Variants in TRPM3 observed in about 807,000 individuals in gnomAD.
The protein encoded by TRPM3 is transient receptor potential cation channel subfamily M member 3.
Under a neutral mutation model 181.2 loss-of-function variants are expected in TRPM3, and 77 were observed. The ratio of observed to expected loss-of-function variants is 0.42; its 90% CI spans 0.35 to 0.51. The LOEUF is 0.51. TRPM3 is among the 20% of genes least tolerant of loss of function. The pLI, the probability that TRPM3 is intolerant of heterozygous loss-of-function variation, is 0.01. For missense variants in TRPM3, 1,759 were observed against 2,196.7 expected (o/e 0.80, Z 3.98); for synonymous variants, 745 against 796.4 (o/e 0.94, Z 1.09).
Position 70,690,549 on chromosome 9 carries a change from T to C in TRPM3, c.1273-8971A>G, listed in dbSNP as rs570598467. Among the ~76,000 whole-genome samples, 25 of 62,230 alleles carry C rather than the reference T, an allele frequency of 4.0e-4. No homozygotes were observed. In the East Asian group the frequency reaches 0.016, roughly 40 times the overall value. The allele number at this position is 62,230 out of a possible 152,430, so 40.8% of individuals were successfully genotyped here. A position where few individuals can be genotyped will look rare whatever the true frequency, so the allele number is the denominator to read the frequency against. On this transcript the variant is annotated intron_variant, in intron 8 of 25. Transcript: ENST00000677713. ...AATGAAATAACTTTTTATTTATTTA[T>C]TTATATTTATTTATATTTATTTATT...
At chr9:71,290,031 T>C (rs2085665546) in intron 1 of TRPM3, among the ~76,000 whole-genome samples, 1 of 151,928 alleles carries the variant, frequency 6.6e-6, no homozygotes, top group Admixed American at 6.6e-5. Context: ...AAGTATCACA[T>C]GTACCCCCAA....
intron 1 of TRPM3, among the ~76,000 whole-genome samples, chr9:71,033,824 A>G (rs2057841368): frequency 6.6e-6 from 1 of 152,144 alleles, no homozygotes; most frequent in Admixed American, 6.5e-5. Flanking sequence ...TAACTCACTT[A>G]TTCCAGCTCA....
rs552557622 is a variant in TRPM3 at position 70,585,708 on chromosome 9, T to A, written c.3223+5323A>T. On this transcript the variant is annotated intron_variant, in intron 22 of 25. Transcript: ENST00000677713. ...CCAGGTTCTTTTGATTGTACCTTCC[T>A]AAAATCTCATCCTGCCTGTTTCCTC... Among the ~76,000 whole-genome samples the A allele has an allele frequency of 3.3e-5, 5 of 152,288 alleles. 1 individual carries two copies. In the South Asian group the frequency reaches 1.0e-3, roughly 32 times the overall value.
intron 1 of TRPM3, among the ~76,000 whole-genome samples, chr9:70,958,021 A>G (rs1374190400): frequency 1.3e-5 from 2 of 152,218 alleles, no homozygotes; most frequent in Admixed American, 1.3e-4. Flanking sequence ...GTATGAAATT[A>G]GACATGGAAC....
At chr9:71,410,263 C>A (rs1005221717) in intron 1 of TRPM3, among the ~76,000 whole-genome samples, 1 of 149,890 alleles carries the variant, frequency 6.7e-6, no homozygotes, top group African/African-American at 2.5e-5. Context: ...ATGATCAGAG[C>A]AGAACTGAAG....
At chr9:71,174,696 T>C (rs891382267) in intron 1 of TRPM3, among the ~76,000 whole-genome samples, 4 of 152,070 alleles carry the variant, frequency 2.6e-5, no homozygotes, top group African/African-American at 4.8e-5. Flanking sequence ...AAAACATTCA[T>C]ATTTAAAATC....
At chr9:70,575,628 G>GA (rs925671889) in intron 22 of TRPM3, among the ~76,000 whole-genome samples, 8 of 151,756 alleles carry the variant, frequency 5.3e-5, no homozygotes, top group South Asian at 2.1e-4. Context: ...TATTCATTTG[G>GA]AAAAAAAATG....
intron 20 of TRPM3, among the ~76,000 whole-genome samples, chr9:70,600,556 G>A (rs1276244939): frequency 6.6e-6 from 1 of 152,198 alleles, no homozygotes; most frequent in Non-Finnish European, 1.5e-5. Flanking sequence ...TCAGCTGGAA[G>A]GCTGGGTAAA....
Position 70,535,520 on chromosome 9 carries a change from G to T in TRPM3, c.*433C>A, listed in dbSNP as rs1373958868. ...GAATGGAAGTTTAGAATATCTCATT[G>T]TGTACGCTGGCTATTTTATTTTATT... On this transcript the variant is annotated 3_prime_UTR_variant, in exon 26 of 26. Transcript: ENST00000677713. The T allele has an allele frequency of 2.6e-6, 4 of 1,548,502 alleles. No homozygotes were observed. The highest frequency in any genetic ancestry group is 3.5e-6 in the Non-Finnish European group (4 of 1,146,650).
chr9:70,784,066 G>T, intron 7 of TRPM3, 39 bp downstream of exon 7: 2 of 1,599,112 alleles, frequency 1.3e-6, no homozygotes, highest in Non-Finnish European at 1.7e-6. Context: ...TTCCAAACAG[G>T]CTTTAGGGTT....
At chr9:70,631,796 TTCAAAAC>T (rs1264874750) in intron 12 of TRPM3, among the ~76,000 whole-genome samples, 2 of 152,228 alleles carry the variant, frequency 1.3e-5, no homozygotes, top group Admixed American at 1.3e-4. Flanking sequence ...AATTTGAGAT[TTCAAAAC>T]AAGCTTGGGA....
At chr9:70,841,638 A>ATATATATATCTATATCCCAC (rs2131976122) in intron 5 of TRPM3, among the ~76,000 whole-genome samples, 1 of 104,724 alleles carries the variant, frequency 9.5e-6, no homozygotes, top group East Asian at 3.9e-4. Flanking sequence ...ATATATATAT[A>ATATATATATCTATATCCCAC]TATATATATA....
intron 22 of TRPM3, among the ~76,000 whole-genome samples, chr9:70,589,832 C>T (rs774596248): frequency 3.3e-5 from 5 of 152,150 alleles, no homozygotes; most frequent in South Asian, 2.1e-4. Context: ...AATGACGTAC[C>T]GGTGTGTTCT....
chr9:70,937,112 C>T (rs942362994), intron 1 of TRPM3, among the ~76,000 whole-genome samples: 6 of 152,126 alleles, frequency 3.9e-5, no homozygotes, highest in African/African-American at 1.4e-4. Context: ...CATTTTGACG[C>T]AGCTTCACCA....
chr9:70,699,211 G>A (rs2071599291), intron 8 of TRPM3, among the ~76,000 whole-genome samples: 1 of 152,130 alleles, frequency 6.6e-6, no homozygotes, highest in South Asian at 2.1e-4. Flanking sequence ...TGATAAAAGT[G>A]ACAAGAAAAT....
At chr9:70,966,939 T>A (rs1187027355) in intron 1 of TRPM3, among the ~76,000 whole-genome samples, 1 of 152,026 alleles carries the variant, frequency 6.6e-6, no homozygotes, top group South Asian at 2.1e-4. Flanking sequence ...CTGTCCAAGT[T>A]CAGAAGATTT....
At chr9:71,427,189 T>C (rs1411903161) in intron 1 of TRPM3, among the ~76,000 whole-genome samples, 9 of 152,200 alleles carry the variant, frequency 5.9e-5, no homozygotes, top group Non-Finnish European at 1.2e-4. Context: ...TTGTTGTTGA[T>C]AGACTCAAAG....
At chr9:70,920,558 C>T (rs10521440) in intron 1 of TRPM3, among the ~76,000 whole-genome samples, 4,067 of 152,116 alleles carry the variant, frequency 0.027, 222 homozygotes, top group East Asian at 0.2. Context: ...TATATTCTCC[C>T]AAAACGACAT....
intron 1 of TRPM3, among the ~76,000 whole-genome samples, chr9:71,418,918 G>A (rs12376095): frequency 2.9e-5 from 2 of 67,966 alleles, no homozygotes; most frequent in Non-Finnish European, 4.2e-5. Flanking sequence ...GTATATATAT[G>A]TGTGTGTGTG....
Sources: gnomAD v4.1 joint callset for allele counts (sites outside exome capture counted in the v4.1 genomes callset) on GRCh38, gnomAD v4.1.1 for gene constraint, MANE v1.5 for transcripts, NCBI Gene and HGNC (gene_info 2026-07-23, HGNC 2026-07-21) for gene names.